The following GAB1 variants were observed in gnomAD, a reference collection of about 807,000 sequenced individuals.
GAB1 encodes GRB2 associated binding protein 1.
A neutral mutation model predicts 66.5 loss-of-function variants in GAB1; 19 were observed. The ratio of observed to expected loss-of-function variants is 0.29; its 90% CI spans 0.20 to 0.42. The LOEUF (loss-of-function observed/expected upper bound fraction) is 0.42. Among genes scored for constraint, GAB1 ranks in the 10% least tolerant of loss-of-function variants. The probability of loss-of-function intolerance (pLI) is 1.00; values close to 1 mark genes in which losing one functional copy is unlikely to be tolerated. For synonymous variants in GAB1, 294 were observed against 301.4 expected (o/e 0.98, Z 0.25); for missense variants, 732 against 858.5 (o/e 0.85, Z 1.84).
At position 143,444,775 on chromosome 4, in the gene GAB1, C is replaced by G. The variant is rs199909709; in HGVS notation, c.1585+4393C>G. On this transcript the variant is annotated intron_variant, in intron 6 of 9. Coordinates refer to ENST00000262994, the MANE Select transcript of GAB1 (RefSeq NM_002039.4). ...AACCCTTTCCACCTGCCTCCTTCCC[C>G]TCTCTGGTAGTACCCAGTGTCTGTT... Among the ~76,000 whole-genome samples, 13 of 152,266 alleles carry G rather than the reference C, an allele frequency of 8.5e-5. 1 individual carries two copies. In the East Asian group the frequency reaches 2.5e-3, roughly 29 times the overall value.
At position 143,338,712 on chromosome 4, in the gene GAB1, G is replaced by GGT. The variant is rs56381817; in HGVS notation, c.72+1469_72+1470dup. The stretch of plus-strand genomic sequence containing the variant: ...CAGCTGTTCTAAAGAGAAAGGTAGG[G>GGT]GTGTGTGTGTGTGTGTGTATGTGAC... On this transcript the variant is annotated intron_variant, in intron 1 of 9. Coordinates refer to ENST00000262994, the MANE Select transcript of GAB1 (RefSeq NM_002039.4). 1.3e-3 allele frequency among the ~76,000 whole-genome samples: 196 copies of GGT among 149,282 alleles called. 1 individual carries two copies. The highest frequency in any genetic ancestry group is 4.9e-3 in the South Asian group (23 of 4,698).
At chr4:143,434,229 A>C (rs1733823547) in intron 3 of GAB1, 3 of 736,192 alleles carry the variant, frequency 4.1e-6, no homozygotes, top group Non-Finnish European at 5.9e-6. Flanking sequence ...TAAAATCCCA[A>C]TATAGCAAAT....
intron 7 of GAB1, among the ~76,000 whole-genome samples, chr4:143,459,934 AT>A (rs1463645040): frequency 6.6e-6 from 1 of 152,144 alleles, no homozygotes; most frequent in African/African-American, 2.4e-5. Flanking sequence ...TCTTGTGGAG[AT>A]TATTTAACCG....
In GAB1 at chr4:143,404,096, A is replaced by G. The variant is rs186741453; in HGVS notation, c.73-11381A>G. ...TTTTGTTGTAAATTGTGAATGTTTC[A>G]TAAGAAACTAAGAAAAGAAAATGGG... On this transcript the variant is annotated intron_variant, in intron 1 of 9. Transcript: ENST00000262994. 5.4e-3 allele frequency among the ~76,000 whole-genome samples: 826 copies of G among 152,340 alleles called. 14 individuals carry two copies. Among genetic ancestry groups the G allele is most frequent in the African/African-American group, 0.019 (789 of 41,576 alleles).
rs28924080 is a variant in GAB1, at chr4:143,469,929, G to A, written c.*740G>A. On this transcript the variant is annotated 3_prime_UTR_variant, in exon 10 of 10. Coordinates refer to ENST00000262994, the MANE Select transcript of GAB1 (RefSeq NM_002039.4). ...TAAGCCTGCAAATCATTGATGGCATGCAGTGATGATGTGCTCTTACACTTG... is the reference window on the plus strand; with the variant it reads ...TAAGCCTGCAAATCATTGATGGCATACAGTGATGATGTGCTCTTACACTTG... 2 of 152,862 alleles carry A rather than the reference G, an allele frequency of 1.3e-5. No individual in the cohort carries two copies. The highest frequency in any genetic ancestry group is 2.9e-5 in the Non-Finnish European group (2 of 68,106). The allele number at this position is 152,862 out of a possible 1,614,324, so 9.5% of individuals were successfully genotyped here. A position where few individuals can be genotyped will look rare whatever the true frequency, so the allele number is the denominator to read the frequency against.
chr4:143,374,711 A>G (rs1222363092), intron 1 of GAB1, among the ~76,000 whole-genome samples: 1 of 152,150 alleles, frequency 6.6e-6, no homozygotes, highest in African/African-American at 2.4e-5. Context: ...TCTCATGAAC[A>G]CTTGTCCTAG....
At chr4:143,434,760 C>G (rs1319479833) in intron 3 of GAB1, among the ~76,000 whole-genome samples, 1 of 152,164 alleles carries the variant, frequency 6.6e-6, no homozygotes, top group African/African-American at 2.4e-5. Flanking sequence ...CCATCTCCTT[C>G]CCTGCCCCCA....
intron 1 of GAB1, among the ~76,000 whole-genome samples, chr4:143,338,712 G>GGGGTGTGTGTGTGTGTGT (rs71588246): frequency 6.7e-5 from 10 of 149,180 alleles, no homozygotes; most frequent in African/African-American, 1.5e-4. Flanking sequence ...GAAAGGTAGG[G>GGGGTGTGTGTGTGTGTGT]GTGTGTGTGT....
rs528942300 is a variant in GAB1 at position 143,385,396 on chromosome 4, G to A, written c.73-30081G>A. On this transcript the variant is annotated intron_variant, in intron 1 of 9. Transcript: ENST00000262994. ...CAGCCTCATGTACTGAGCTAAACTC[G>A]AATATGCAAATCTTTATGAAAAGAT... is the stretch of plus-strand genomic sequence containing the variant. Among the ~76,000 whole-genome samples, 37 of 152,220 alleles carry A rather than the reference G, an allele frequency of 2.4e-4. No individual in the cohort carries two copies. In the East Asian group the frequency reaches 5.0e-3, roughly 21 times the overall value.
chr4:143,365,132 C>T (rs1729828462), intron 1 of GAB1, among the ~76,000 whole-genome samples: 2 of 151,866 alleles, frequency 1.3e-5, no homozygotes, highest in Admixed American at 1.3e-4. Flanking sequence ...CCGCCTCTGC[C>T]TCCCAAAGTG....
chr4:143,445,881 G>A (rs1171182756), intron 6 of GAB1, among the ~76,000 whole-genome samples: 1 of 152,074 alleles, frequency 6.6e-6, no homozygotes, highest in African/African-American at 2.4e-5. Flanking sequence ...CCATGCTGGT[G>A]TGCTGCACCC....
chr4:143,423,792 G>GTA (rs35559967), intron 2 of GAB1, among the ~76,000 whole-genome samples: 1,521 of 67,362 alleles, frequency 0.023, 27 homozygotes, highest in East Asian at 0.049. Flanking sequence ...AAAAAAAAGT[G>GTA]TATATATATA....
At chr4:143,465,955 T>C in intron 8 of GAB1, 148 bp from the exon 9 acceptor site, 1 of 763,496 alleles carries the variant, frequency 1.3e-6, no homozygotes, top group Non-Finnish European at 2.0e-6. Flanking sequence ...TAAATATTAC[T>C]TATTTTCTTT....
chr4:143,379,938 A>G (rs1049894812), intron 1 of GAB1, among the ~76,000 whole-genome samples: 1 of 151,182 alleles, frequency 6.6e-6, no homozygotes, highest in Non-Finnish European at 1.5e-5. Flanking sequence ...AACCAGCAAT[A>G]TGACACAGTT....
At chr4:143,350,820 G>T (rs931087079) in intron 1 of GAB1, among the ~76,000 whole-genome samples, 9 of 152,084 alleles carry the variant, frequency 5.9e-5, no homozygotes, top group African/African-American at 2.2e-4. Context: ...TGTGTTCTAT[G>T]AGCTGTTTGA....
At chr4:143,468,923 CA>C (rs548295996) in intron 9 of GAB1, 107 bp from the exon 10 acceptor site, 35,734 of 909,240 alleles carry the variant, frequency 0.039, no homozygotes, top group South Asian at 0.059. Flanking sequence ...AACTCCTTCT[CA>C]AAAAAAAAAA....
intron 1 of GAB1, among the ~76,000 whole-genome samples, chr4:143,390,651 G>T (rs1332374437): frequency 3.3e-5 from 5 of 152,130 alleles, no homozygotes; most frequent in African/African-American, 1.2e-4. Flanking sequence ...GTTCATACCA[G>T]TTATGATTAA....
At position 143,410,161 on chromosome 4, in the gene GAB1, T is replaced by C. The variant is rs377089195; in HGVS notation, c.73-5316T>C. On this transcript the variant is annotated intron_variant, in intron 1 of 9. Coordinates refer to ENST00000262994, the MANE Select transcript of GAB1 (RefSeq NM_002039.4). ...TGATCTTCTCTCTTGCCTGCCCATA[T>C]ATTGGCCACTTCCTCAATAATTAGC... 5.9e-5 allele frequency among the ~76,000 whole-genome samples: 9 copies of C among 152,186 alleles called. No individual in the cohort carries two copies. In the South Asian group the frequency reaches 1.9e-3, roughly 32 times the overall value.
At chr4:143,393,331 C>A (rs1481510797) in intron 1 of GAB1, among the ~76,000 whole-genome samples, 1 of 151,700 alleles carries the variant, frequency 6.6e-6, no homozygotes, top group African/African-American at 2.4e-5. Context: ...AAAAGGTTTG[C>A]TGTCCTCTGT....
Sources: gnomAD v4.1 joint callset for allele counts (sites outside exome capture counted in the v4.1 genomes callset) on GRCh38, gnomAD v4.1.1 for gene constraint, MANE v1.5 for transcripts, NCBI Gene and HGNC (gene_info 2026-07-23, HGNC 2026-07-21) for gene names.